Variants in GNAI1 observed in about 807,000 individuals in gnomAD.
GNAI1 encodes the protein guanine nucleotide-binding protein G(i) subunit alpha-1.
A neutral mutation model predicts 38.9 loss-of-function variants in GNAI1; 11 were observed. The observed-to-expected ratio is 0.28, with a 90% confidence interval of 0.18 to 0.47. The LOEUF (loss-of-function observed/expected upper bound fraction) is 0.47. GNAI1 is among the 20% of genes least tolerant of loss of function. The probability of loss-of-function intolerance (pLI) is 0.99; values close to 1 mark genes in which losing one functional copy is unlikely to be tolerated. For synonymous variants in GNAI1, 166 were observed against 145.1 expected, an observed-to-expected ratio of 1.14 and a Z score of -1.04; for missense variants, 317 against 436.9, an observed-to-expected ratio of 0.73 and a Z score of 2.45.
intron 5 of GNAI1, among the ~76,000 whole-genome samples, chr7:80,207,802 G>A (rs1788800549): frequency 6.6e-6 from 1 of 151,990 alleles, no homozygotes; most frequent in Non-Finnish European, 1.5e-5. Context: ...TCAAAATGAG[G>A]CAATAGGGCA....
At chr7:80,163,709 A>G (rs1352849319) in intron 1 of GNAI1, among the ~76,000 whole-genome samples, 1 of 152,186 alleles carries the variant, frequency 6.6e-6, no homozygotes, top group Non-Finnish European at 1.5e-5. Context: ...TATAATCCAC[A>G]TGTTGATACT....
chr7:80,160,796 A>G (rs1438793049), intron 1 of GNAI1, among the ~76,000 whole-genome samples: 1 of 152,168 alleles, frequency 6.6e-6, no homozygotes, highest in African/African-American at 2.4e-5. Context: ...TTTCCTAAGG[A>G]AGGCAAAAAG....
chr7:80,177,181 C>T (rs1257368828), intron 1 of GNAI1, among the ~76,000 whole-genome samples: 1 of 151,458 alleles, frequency 6.6e-6, no homozygotes, highest in East Asian at 2.0e-4. Context: ...CAGGCACCCA[C>T]CACCATGCCC....
intron 1 of GNAI1, among the ~76,000 whole-genome samples, chr7:80,138,912 C>T (rs1026194398): frequency 6.6e-6 from 1 of 152,104 alleles, no homozygotes; most frequent in Admixed American, 6.5e-5. Flanking sequence ...TCTATTGCTG[C>T]CACCAGGCAG....
intron 1 of GNAI1, among the ~76,000 whole-genome samples, chr7:80,180,618 A>G (rs949581480): frequency 6.6e-6 from 1 of 152,134 alleles, no homozygotes; most frequent in Non-Finnish European, 1.5e-5. Flanking sequence ...AAGTATTACT[A>G]CTTGGCACAG....
chr7:80,182,156 A>G (rs1312515585), intron 1 of GNAI1, among the ~76,000 whole-genome samples: 1 of 152,162 alleles, frequency 6.6e-6, no homozygotes, highest in Non-Finnish European at 1.5e-5. Context: ...GCCCAGGTTT[A>G]TCCATACTAT....
chr7:80,198,875 T>G (rs1277809712), intron 3 of GNAI1, among the ~76,000 whole-genome samples: 2 of 152,158 alleles, frequency 1.3e-5, no homozygotes, highest in Non-Finnish European at 2.9e-5. Context: ...AGACATAGGT[T>G]CTTCTTCTGT....
At chr7:80,176,506 T>C (rs1369781639) in intron 1 of GNAI1, among the ~76,000 whole-genome samples, 1 of 152,208 alleles carries the variant, frequency 6.6e-6, no homozygotes, top group Non-Finnish European at 1.5e-5. Flanking sequence ...CATTCATAGC[T>C]AGAGAGGAAA....
At chr7:80,208,405 T>C (rs1302495044) in intron 5 of GNAI1, among the ~76,000 whole-genome samples, 1 of 152,172 alleles carries the variant, frequency 6.6e-6, no homozygotes, top group East Asian at 1.9e-4. Flanking sequence ...AATTAGTGTT[T>C]CTTCTAGTTA....
chr7:80,186,740 G>A (rs1451710666), intron 1 of GNAI1, among the ~76,000 whole-genome samples: 1 of 152,094 alleles, frequency 6.6e-6, no homozygotes, highest in East Asian at 1.9e-4. Flanking sequence ...GATCTAGAGT[G>A]TCCCATCATC....
rs79801923 is a variant in GNAI1 at position 80,160,904 on chromosome 7, T to C, written c.118+25626T>C. ...CTGGTAACTAATGTAATAGTTGGCA[T>C]TGTGTAGTACGATATCTTGCAGTCT... On this transcript the variant is annotated intron_variant, in intron 1 of 7. Transcript: ENST00000649796. Among the ~76,000 whole-genome samples, 372 of 152,288 alleles carry C rather than the reference T, an allele frequency of 2.4e-3. 1 individual carries two copies. The East Asian group carries it at 0.046, about 19-fold the overall frequency.
intron 1 of GNAI1, among the ~76,000 whole-genome samples, chr7:80,164,586 T>C (rs1242573511): frequency 6.6e-6 from 1 of 152,078 alleles, no homozygotes; most frequent in Non-Finnish European, 1.5e-5. Context: ...ATGGTCTTGA[T>C]CTCCTGACCT....
At chr7:80,208,683 G>C (rs1325100823) in intron 5 of GNAI1, among the ~76,000 whole-genome samples, 1 of 152,098 alleles carries the variant, frequency 6.6e-6, no homozygotes, top group East Asian at 1.9e-4. Flanking sequence ...CTGTGCGTCT[G>C]GTTCCATTTG....
rs969622646 is a variant in GNAI1 at position 80,225,453 on chromosome 7, ATTGTG to A, written c.*7968_*7972del. Among the ~76,000 whole-genome samples the A allele has an allele frequency of 8.6e-5, 13 of 151,846 alleles. No individual in the cohort carries two copies. The highest frequency in any genetic ancestry group is 3.9e-4 in the East Asian group (2 of 5,152). ...TAGTGGGGTTTTTTTTAATGTTGTT[ATTGTG>A]TTGTGTTTTGTTTTTTTAATATGTT... On this transcript the variant is annotated 3_prime_UTR_variant, in exon 8 of 8. Coordinates refer to ENST00000649796, the MANE Select transcript of GNAI1 (RefSeq NM_002069.6).
chr7:80,160,054 G>A (rs116820613), intron 1 of GNAI1, among the ~76,000 whole-genome samples: 1 of 152,046 alleles, frequency 6.6e-6, no homozygotes, highest in Admixed American at 6.6e-5. Context: ...TGGCTTTAAG[G>A]ATCTGTGCTC....
rs71518978 is a variant in GNAI1, at chr7:80,221,636, C to CTTTTTTTTTTTTTTTTTTTTTT, written c.*4147_*4168dup. 1.1e-5 allele frequency among the ~76,000 whole-genome samples: 1 copy of CTTTTTTTTTTTTTTTTTTTTTT among 94,354 alleles called. No individual in the cohort carries two copies. The highest frequency in any genetic ancestry group is 4.1e-5 in the African/African-American group (1 of 24,252). The allele number at this position is 94,354 out of a possible 152,430, so 61.9% of individuals were successfully genotyped here. On this transcript the variant is annotated 3_prime_UTR_variant, in exon 8 of 8. Coordinates refer to ENST00000649796, the MANE Select transcript of GNAI1 (RefSeq NM_002069.6). ...ATTTTAATGTTAGGTTGGAAATTTT[C>CTTTTTTTTTTTTTTTTTTTTTT]TTTTTTTTTTTTTTTTTTTTTTTTT...
At chr7:80,206,339 T>A (rs1020999095) in intron 5 of GNAI1, among the ~76,000 whole-genome samples, 5 of 152,028 alleles carry the variant, frequency 3.3e-5, no homozygotes, top group South Asian at 2.1e-4. Flanking sequence ...TGCTTTTTTT[T>A]ATTTTCATTT....
At chr7:80,166,561 CA>C (rs1788013100) in intron 1 of GNAI1, among the ~76,000 whole-genome samples, 1 of 152,122 alleles carries the variant, frequency 6.6e-6, no homozygotes, top group Non-Finnish European at 1.5e-5. Flanking sequence ...GTTCCATTTA[CA>C]TACTGATATT....
chr7:80,220,847 T>A lies in GNAI1; in HGVS notation c.*3354T>A, dbSNP rs1789060193. ...AAGATGCTACCTTATTTCCAGAAAA[T>A]GTGTAAGTAGTGTTTCGCCTATCCC... On this transcript the variant is annotated 3_prime_UTR_variant, in exon 8 of 8. Transcript: ENST00000649796. Among the ~76,000 whole-genome samples, 2 of 152,120 alleles carry A rather than the reference T, an allele frequency of 1.3e-5. No homozygotes were observed. The highest frequency in any genetic ancestry group is 4.8e-5 in the African/African-American group (2 of 41,416).
Sources: gnomAD v4.1 joint callset for allele counts (sites outside exome capture counted in the v4.1 genomes callset) on GRCh38, gnomAD v4.1.1 for gene constraint, MANE v1.5 for transcripts, NCBI Gene and HGNC (gene_info 2026-07-23, HGNC 2026-07-21) for gene names.